HS2ST1: variants seen among roughly 807,000 people sequenced by gnomAD.
HS2ST1 encodes the protein heparan sulfate 2-O-sulfotransferase 1.
Under a neutral mutation model 42.9 loss-of-function variants are expected in HS2ST1, and 18 were observed. That is an observed-to-expected ratio of 0.42 (90% confidence interval 0.29 to 0.62). HS2ST1 has a LOEUF of 0.62. HS2ST1 is among the 20% of genes least tolerant of loss of function. The probability of loss-of-function intolerance (pLI) is 0.21; values close to 1 mark genes in which losing one functional copy is unlikely to be tolerated. For synonymous variants in HS2ST1, 146 were observed against 152.9 expected (o/e 0.95, Z 0.33); for missense variants, 334 against 433.8 (o/e 0.77, Z 2.04).
intron 1 of HS2ST1, chr1:87,045,842 C>T (rs1650642836): frequency 1.4e-6 from 1 of 739,374 alleles, no homozygotes; most frequent in Non-Finnish European, 2.5e-6. Flanking sequence ...CTCCATCCCC[C>T]TTTTCTGCTA....
At chr1:86,975,279 CTTTT>C (rs74502539) in intron 1 of HS2ST1, among the ~76,000 whole-genome samples, 1 of 139,012 alleles carries the variant, frequency 7.2e-6, no homozygotes, top group Non-Finnish European at 1.6e-5. Context: ...ATAGCTTTTT[CTTTT>C]TTTTTTTTTA....
intron 1 of HS2ST1, among the ~76,000 whole-genome samples, chr1:86,998,952 T>G (rs74943910): frequency 6.6e-6 from 1 of 152,116 alleles, no homozygotes; most frequent in African/African-American, 2.4e-5. Flanking sequence ...TTTAATAAGC[T>G]CAGGTGATTC....
At chr1:87,092,707 G>A (rs1651975104) in intron 4 of HS2ST1, 38 bp downstream of exon 4, 1 of 1,345,466 alleles carries the variant, frequency 7.4e-7, no homozygotes, top group Non-Finnish European at 1.0e-6. Flanking sequence ...AAAGATAATT[G>A]TTTATGAACT....
chr1:86,937,760 C>CA (rs1432404489), intron 1 of HS2ST1, among the ~76,000 whole-genome samples: 2 of 151,864 alleles, frequency 1.3e-5, no homozygotes, highest in Non-Finnish European at 1.5e-5. Flanking sequence ...CTGAGCTAAT[C>CA]AGTCTTTTTT....
At chr1:87,080,527 T>TC (rs1446290168) in intron 2 of HS2ST1, among the ~76,000 whole-genome samples, 1 of 151,986 alleles carries the variant, frequency 6.6e-6, no homozygotes, top group Non-Finnish European at 1.5e-5. Context: ...TATGGCCAAA[T>TC]AGAAGCCTTC....
intron 1 of HS2ST1, chr1:87,044,850 G>T: frequency 4.6e-6 from 4 of 871,434 alleles, no homozygotes; most frequent in Non-Finnish European, 6.8e-6. Context: ...TTCCCCTTTG[G>T]AACAAAGGAC....
intron 1 of HS2ST1, among the ~76,000 whole-genome samples, chr1:86,922,337 C>T (rs114133997): frequency 6.6e-6 from 1 of 151,190 alleles, no homozygotes; most frequent in Non-Finnish European, 1.5e-5. Flanking sequence ...TTTGCTTTAA[C>T]TTATATTTTA....
chr1:86,920,777 T>TA (rs1276409552), intron 1 of HS2ST1, among the ~76,000 whole-genome samples: 3 of 152,330 alleles, frequency 2.0e-5, no homozygotes, highest in Non-Finnish European at 2.9e-5. Flanking sequence ...TACCTGTACT[T>TA]ACGTATTCTG....
rs187079347 is a variant in HS2ST1 at position 87,046,224 on chromosome 1, C to T, written c.125-26710C>T. The T allele has an allele frequency of 5.8e-4, 505 of 870,716 alleles. No individual in the cohort carries two copies. The African/African-American group carries it at 7.6e-3, about 13-fold the overall frequency. The allele number at this position is 870,716 out of a possible 1,614,324, so 53.9% of individuals were successfully genotyped here. A position where few individuals can be genotyped will look rare whatever the true frequency, so the allele number is the denominator to read the frequency against. On this transcript the variant is annotated intron_variant, in intron 1 of 6. Coordinates refer to ENST00000370550, the MANE Select transcript of HS2ST1 (RefSeq NM_012262.4). ...AAGTGGAACTGCTGGGTATCTTGGA[C>T]AAGTAACTACTATCAAAGAGGGTGT...
intron 1 of HS2ST1, among the ~76,000 whole-genome samples, chr1:86,976,702 T>TTATATATATATATATATATATATATA (rs1553134330): frequency 3.7e-5 from 1 of 26,794 alleles, no homozygotes; most frequent in African/African-American, 7.8e-5. Context: ...CTTTATAAAA[T>TTATATATATATATATATATATATATA]TGTATATATA....
chr1:87,038,633 A>G (rs1327125332), intron 1 of HS2ST1, among the ~76,000 whole-genome samples: 1 of 152,230 alleles, frequency 6.6e-6, no homozygotes. Flanking sequence ...GTTTTGATGT[A>G]GAAAGATCTT....
At chr1:86,928,411 T>C (rs1233732141) in intron 1 of HS2ST1, among the ~76,000 whole-genome samples, 1 of 152,046 alleles carries the variant, frequency 6.6e-6, no homozygotes, top group Non-Finnish European at 1.5e-5. Flanking sequence ...GGTTTGACAC[T>C]AAGATTCTTG....
At chr1:87,051,767 A>G (rs1312167409) in intron 1 of HS2ST1, among the ~76,000 whole-genome samples, 2 of 152,218 alleles carry the variant, frequency 1.3e-5, no homozygotes, top group Non-Finnish European at 2.9e-5. Context: ...TGTAGTTTAC[A>G]GGATCCTGAA....
intron 1 of HS2ST1, among the ~76,000 whole-genome samples, chr1:87,054,248 A>T (rs946664710): frequency 2.0e-5 from 3 of 152,138 alleles, no homozygotes; most frequent in African/African-American, 7.2e-5. Flanking sequence ...TTCATTCTCC[A>T]TTGAAATTCC....
chr1:87,021,507 T>C (rs999497154), intron 1 of HS2ST1, among the ~76,000 whole-genome samples: 1 of 152,180 alleles, frequency 6.6e-6, no homozygotes, highest in Admixed American at 6.5e-5. Context: ...ATATTATTGG[T>C]GGTGGTGGTG....
At chr1:87,102,135 G>A (rs966640639) in intron 5 of HS2ST1, among the ~76,000 whole-genome samples, 3 of 150,690 alleles carry the variant, frequency 2.0e-5, no homozygotes, top group South Asian at 2.2e-4. Flanking sequence ...TCGGCTCACC[G>A]CAAACCTCCA....
intron 1 of HS2ST1, among the ~76,000 whole-genome samples, chr1:86,922,099 T>C (rs973573975): frequency 3.9e-5 from 6 of 151,998 alleles, no homozygotes; most frequent in African/African-American, 1.2e-4. Context: ...CTGTTGTCTT[T>C]AGGATTAAAG....
At position 87,108,167 on chromosome 1, in the gene HS2ST1, C is replaced by CT. The variant is rs1397740974; in HGVS notation, c.*3477dup. ...AGAAAACAGTTTGTAGACAATGATTCTTTTTTAATAAAATCAAATAATTCT... is the reference window on the plus strand; with the variant it reads ...AGAAAACAGTTTGTAGACAATGATTCTTTTTTTAATAAAATCAAATAATTCT... On this transcript the variant is annotated 3_prime_UTR_variant, in exon 7 of 7. Coordinates refer to ENST00000370550, the MANE Select transcript of HS2ST1 (RefSeq NM_012262.4). 1.3e-5 allele frequency: 2 copies of CT among 151,938 alleles called. No individual in the cohort carries two copies. Among genetic ancestry groups the CT allele is most frequent in the African/African-American group, 4.8e-5 (2 of 41,398 alleles). 9.4% of individuals were successfully genotyped at this position (151,938 alleles called of 1,614,324 possible).
intron 1 of HS2ST1, among the ~76,000 whole-genome samples, chr1:87,065,270 C>A (rs1651220476): frequency 6.6e-6 from 1 of 152,138 alleles, no homozygotes; most frequent in Non-Finnish European, 1.5e-5. Flanking sequence ...GCAAAGGATC[C>A]AATTTAATTC....
Sources: allele counts gnomAD v4.1 joint callset (sites outside exome capture counted in the v4.1 genomes callset), GRCh38; gene constraint gnomAD v4.1.1; transcripts MANE v1.5; gene names NCBI Gene and HGNC (gene_info 2026-07-23, HGNC 2026-07-21).